Variants in RBPJ observed in about 807,000 individuals in gnomAD.
The protein encoded by RBPJ is recombination signal binding protein for immunoglobulin kappa J region, also known as recombining binding protein suppressor of hairless.
Under a neutral mutation model 67.8 loss-of-function variants are expected in RBPJ, and 9 were observed. That is an observed-to-expected ratio of 0.13 (90% CI 0.08 to 0.23). The LOEUF (loss-of-function observed/expected upper bound fraction) is 0.23. Among genes scored for constraint, RBPJ ranks in the 10% least tolerant of loss-of-function variants. The probability of loss-of-function intolerance (pLI) is 1.00; values close to 1 mark genes in which losing one functional copy is unlikely to be tolerated. For synonymous variants in RBPJ, 198 were observed against 203.3 expected, an observed-to-expected ratio of 0.97 and a Z score of 0.22; for missense variants, 305 against 595.6, an observed-to-expected ratio of 0.51 and a Z score of 5.08.
chr4:26,327,009 A>G (rs138103010), intron 1 of RBPJ, among the ~76,000 whole-genome samples: 58 of 152,158 alleles, frequency 3.8e-4, no homozygotes, highest in African/African-American at 1.3e-3. Context: ...TTTGGGGTCT[A>G]TTTCTTACTG....
At chr4:26,263,501 T>G (rs574988193) in intron 1 of RBPJ, among the ~76,000 whole-genome samples, 2 of 152,330 alleles carry the variant, frequency 1.3e-5, no homozygotes, top group South Asian at 4.1e-4. Flanking sequence ...ATTGTTATTT[T>G]CCAGTTATTT....
chr4:26,371,007 G>C (rs191012876), intron 1 of RBPJ, among the ~76,000 whole-genome samples: 9 of 151,606 alleles, frequency 5.9e-5, no homozygotes, highest in Admixed American at 3.3e-4. Context: ...GTGAACCTGG[G>C]AGACAGAGCT....
intron 1 of RBPJ, among the ~76,000 whole-genome samples, chr4:26,338,740 A>G (rs1467777267): frequency 6.6e-5 from 10 of 151,460 alleles, no homozygotes. Context: ...CTGCCCGGCT[A>G]ATTTTTGTAT....
chr4:26,307,226 T>C (rs943882204), intron 1 of RBPJ, among the ~76,000 whole-genome samples: 1 of 152,164 alleles, frequency 6.6e-6, no homozygotes, highest in African/African-American at 2.4e-5. Flanking sequence ...TGAGAGGGCT[T>C]GAGACAGTGC....
chr4:26,395,650 T>C (rs937739983), intron 2 of RBPJ, among the ~76,000 whole-genome samples: 1 of 151,982 alleles, frequency 6.6e-6, no homozygotes, highest in African/African-American at 2.4e-5. Flanking sequence ...GCCTGCTAGC[T>C]CCCCATTAGC....
At chr4:26,389,348 G>A (rs1731259829) in intron 2 of RBPJ, among the ~76,000 whole-genome samples, 1 of 151,190 alleles carries the variant, frequency 6.6e-6, no homozygotes, top group African/African-American at 2.4e-5. Context: ...TATGCACAGA[G>A]GAACAAAGAG....
chr4:26,213,605 G>A (rs144808843), intron 1 of RBPJ, among the ~76,000 whole-genome samples: 265 of 152,270 alleles, frequency 1.7e-3, no homozygotes, highest in African/African-American at 5.9e-3. Flanking sequence ...AAAGGTAGGC[G>A]GGGGCTAGAT....
chr4:26,391,116 C>T (rs1388838109), intron 2 of RBPJ, among the ~76,000 whole-genome samples: 6 of 152,114 alleles, frequency 3.9e-5, no homozygotes, highest in Admixed American at 3.3e-4. Context: ...GTGGATTCAA[C>T]ACAATCACAG....
chr4:26,371,173 A>G (rs1400370748), intron 1 of RBPJ, among the ~76,000 whole-genome samples: 1 of 152,072 alleles, frequency 6.6e-6, no homozygotes, highest in African/African-American at 2.4e-5. Flanking sequence ...CAGTTTTTTT[A>G]AATCATCATT....
In RBPJ at chr4:26,431,184, T is replaced by TAAAAAAA. The variant is rs897964346; in HGVS notation, c.*198_*204dup. The TAAAAAAA allele has an allele frequency of 3.7e-4, 15 of 40,630 alleles. No homozygotes were observed. The highest frequency in any genetic ancestry group is 5.3e-4 in the Non-Finnish European group (11 of 20,648). 2.5% of individuals were successfully genotyped at this position (40,630 alleles called of 1,614,324 possible). On this transcript the variant is annotated 3_prime_UTR_variant, in exon 11 of 11. Transcript: ENST00000355476. ...CTGATTTGAAATGCAGAAGCCACAG[T>TAAAAAAA]AAAAAAAAAAAAAAAAAAAAAAAAA... is the stretch of plus-strand genomic sequence containing the variant.
chr4:26,429,324 GGTTATGACATGGGCAGATGA>G (rs1260838648), intron 8 of RBPJ, among the ~76,000 whole-genome samples: 1 of 152,218 alleles, frequency 6.6e-6, no homozygotes, highest in East Asian at 1.9e-4. Flanking sequence ...GCTTTCATGA[GGTTATGACATGGGCAGATGA>G]TTTAATAAGA....
upstream of RBPJ, among the ~76,000 whole-genome samples, chr4:26,316,468 T>C (rs144124596): frequency 9.6e-3 from 1,291 of 134,284 alleles, 11 homozygotes; most frequent in Non-Finnish European, 0.014. Flanking sequence ...CATTCATATA[T>C]ACATTCATAT....
chr4:26,246,971 C>T (rs552285806), intron 1 of RBPJ, among the ~76,000 whole-genome samples: 2 of 141,064 alleles, frequency 1.4e-5, no homozygotes, highest in East Asian at 2.0e-4. Context: ...GAACATAATA[C>T]GCTTTTTTTT....
At chr4:26,283,045 C>T (rs1252126681) in intron 1 of RBPJ, among the ~76,000 whole-genome samples, 1 of 148,854 alleles carries the variant, frequency 6.7e-6, no homozygotes, top group Non-Finnish European at 1.5e-5. Flanking sequence ...ATTCTCCTGC[C>T]TCAGCCTCCC....
chr4:26,402,174 C>T (rs968792480), intron 2 of RBPJ, among the ~76,000 whole-genome samples: 1 of 152,156 alleles, frequency 6.6e-6, no homozygotes, highest in Admixed American at 6.5e-5. Context: ...AGCCGTGTGC[C>T]ACTGCGCCCA....
the RBPJ span, among the ~76,000 whole-genome samples, chr4:26,121,585 T>C: frequency 6.6e-6 from 1 of 152,136 alleles, no homozygotes; most frequent in Non-Finnish European, 1.5e-5. Context: ...TGCCTCTTTA[T>C]AGCCTGCTTT....
chr4:26,255,612 C>T lies in RBPJ; in HGVS notation c.-167+91998C>T, dbSNP rs1287679020. Among the ~76,000 whole-genome samples the T allele has an allele frequency of 7.4e-5, 11 of 149,298 alleles. No individual in the cohort carries two copies. The East Asian group carries it at 1.0e-3, about 14-fold the overall frequency. ...GGTCGGGAGATCGAGACCATCCTGG[C>T]TAACACGGTGAAACCCCGTCTCTAC... On this transcript the variant is annotated intron_variant, in intron 1 of 4. Coordinates refer to the RBPJ transcript ENST00000512351.
At chr4:26,316,687 CACAT>C (rs1722656825), upstream of RBPJ, among the ~76,000 whole-genome samples, 1 of 136,728 alleles carries the variant, frequency 7.3e-6, no homozygotes, top group Admixed American at 7.4e-5. Flanking sequence ...TATATATATA[CACAT>C]ATTGTGTATA....
At chr4:26,113,309 G>C in the RBPJ span, 2 of 461,676 alleles carry the variant, frequency 4.3e-6, no homozygotes, top group South Asian at 2.2e-5. Flanking sequence ...ACTGAGTGAG[G>C]ATAAATAAAC....
Sources: allele counts gnomAD v4.1 joint callset (sites outside exome capture counted in the v4.1 genomes callset), GRCh38; gene constraint gnomAD v4.1.1; transcripts MANE v1.5; gene names NCBI Gene and HGNC (gene_info 2026-07-23, HGNC 2026-07-21).